CYP7B1: variants seen among roughly 807,000 people sequenced by gnomAD.
CYP7B1 encodes cytochrome P450 7B1.
CYP7B1 carries 29 observed loss-of-function variants against 42.7 expected under a neutral mutation model. The ratio of observed to expected loss-of-function variants is 0.68; its 90% CI spans 0.51 to 0.93. The LOEUF (loss-of-function observed/expected upper bound fraction) is 0.93. Among genes scored for constraint, CYP7B1 ranks in the 40% least tolerant of loss-of-function variants. CYP7B1 has a pLI of 0.00. For synonymous variants in CYP7B1, 235 were observed against 218.2 expected (o/e 1.08, Z -0.68); for missense variants, 655 against 600.5 (o/e 1.09, Z -0.95).
At chr8:64,599,771 G>A (rs1323710109) in intron 5 of CYP7B1, among the ~76,000 whole-genome samples, 1 of 152,172 alleles carries the variant, frequency 6.6e-6, no homozygotes, top group African/African-American at 2.4e-5. Flanking sequence ...AATCTATGGG[G>A]ACATCTAGGA....
chr8:64,692,869 T>G (rs1279341638), intron 1 of CYP7B1, among the ~76,000 whole-genome samples: 1 of 152,226 alleles, frequency 6.6e-6, no homozygotes, highest in Non-Finnish European at 1.5e-5. Context: ...TCGAGCCACA[T>G]GTAACTCTTC....
chr8:64,791,086 C>A (rs1804609813), intron 1 of CYP7B1, among the ~76,000 whole-genome samples: 1 of 152,148 alleles, frequency 6.6e-6, no homozygotes, highest in Non-Finnish European at 1.5e-5. Flanking sequence ...GGAACAGAAT[C>A]TCTCTCTCAA....
intron 1 of CYP7B1, among the ~76,000 whole-genome samples, chr8:64,720,902 A>G (rs1447914616): frequency 6.6e-6 from 1 of 152,014 alleles, no homozygotes; most frequent in Admixed American, 6.6e-5. Context: ...TTTTGATTTA[A>G]TCTATTTGTA....
intron 1 of CYP7B1, among the ~76,000 whole-genome samples, chr8:64,670,853 C>G (rs1806355455): frequency 6.6e-6 from 1 of 152,144 alleles, no homozygotes; most frequent in Non-Finnish European, 1.5e-5. Context: ...AGGCTCTTCC[C>G]TGCTCTGAAT....
chr8:64,701,072 CT>C (rs1806909192), intron 1 of CYP7B1, among the ~76,000 whole-genome samples: 1 of 152,062 alleles, frequency 6.6e-6, no homozygotes, highest in Admixed American at 6.6e-5. Flanking sequence ...TGTTGTCCCC[CT>C]GAGGAACACG....
intron 1 of CYP7B1, among the ~76,000 whole-genome samples, chr8:64,677,009 T>C (rs1398611722): frequency 6.6e-6 from 1 of 152,084 alleles, no homozygotes; most frequent in East Asian, 1.9e-4. Context: ...GGGGCTTTTG[T>C]TCTAATGTAA....
chr8:64,649,019 C>T (rs1374813157), intron 1 of CYP7B1, among the ~76,000 whole-genome samples: 1 of 152,160 alleles, frequency 6.6e-6, no homozygotes, highest in Non-Finnish European at 1.5e-5. Context: ...TCATCTCAAC[C>T]ATTTTAAGTG....
At chr8:64,701,430 G>A (rs1482868217) in intron 1 of CYP7B1, among the ~76,000 whole-genome samples, 1 of 152,044 alleles carries the variant, frequency 6.6e-6, no homozygotes, top group East Asian at 1.9e-4. Flanking sequence ...ATGGTCACCA[G>A]GCAGCTTTTG....
At position 64,596,901 on chromosome 8, in the gene CYP7B1, T is replaced by A. The variant is rs1805127171; in HGVS notation, c.1262A>T (p.Asp421Val). ...EEFRYDRFIE[D>V]GKKKTTFFKR... is the part of the protein sequence containing the mutation. ...GAAAAAGGTGGTTTTCTTCTTACCA[T>A]CTTCTATAAAACGATCATATCTAAA... Residue 421 changes from aspartate (D) to valine (V), a missense_variant, in exon 6 of 6, where the codon GAT becomes GTT. Physicochemically the swap from Asp to Val is radical, Grantham distance 152 (BLOSUM62 -3). Transcript: ENST00000310193. The A allele has an allele frequency of 1.9e-6, 3 of 1,612,544 alleles. No homozygotes were observed. The highest frequency in any genetic ancestry group is 2.5e-6 in the Non-Finnish European group (3 of 1,178,870).
chr8:64,775,908 T>C (rs1804318117), intron 1 of CYP7B1, among the ~76,000 whole-genome samples: 1 of 152,128 alleles, frequency 6.6e-6, no homozygotes, highest in South Asian at 2.1e-4. Flanking sequence ...CATTCCCAAA[T>C]GATTATCTGG....
rs759502351 is a variant in CYP7B1 at position 64,593,398 on chromosome 8, T to C, written c.*3244A>G. Reference sequence around the variant, plus strand: ...AAAACTGTCAGTATATTTGCCTATCTCAGTCTTAGCTCCGGGTAAAAATAA... The same window carrying C: ...AAAACTGTCAGTATATTTGCCTATCCCAGTCTTAGCTCCGGGTAAAAATAA... On this transcript the variant is annotated 3_prime_UTR_variant, in exon 6 of 6. Transcript: ENST00000310193. 1.4e-4 allele frequency among the ~76,000 whole-genome samples: 22 copies of C among 152,044 alleles called. No individual in the cohort carries two copies. Among genetic ancestry groups the C allele is most frequent in the Non-Finnish European group, 2.5e-4 (17 of 68,010 alleles).
intron 1 of CYP7B1, among the ~76,000 whole-genome samples, chr8:64,666,733 A>G (rs1484059500): frequency 6.6e-6 from 1 of 152,244 alleles, no homozygotes; most frequent in African/African-American, 2.4e-5. Context: ...CCTCTTCAAC[A>G]GTATTGTCAC....
At chr8:64,739,152 A>T (rs1807533478) in intron 1 of CYP7B1, among the ~76,000 whole-genome samples, 1 of 152,182 alleles carries the variant, frequency 6.6e-6, no homozygotes, top group African/African-American at 2.4e-5. Context: ...CTCCTAGTGG[A>T]CTTTCTCTAG....
chr8:64,753,817 G>A (rs1035777519), intron 1 of CYP7B1, among the ~76,000 whole-genome samples: 2 of 152,226 alleles, frequency 1.3e-5, no homozygotes, highest in African/African-American at 2.4e-5. Flanking sequence ...CACTTTGGGT[G>A]ACAATCTTGA....
intron 1 of CYP7B1, among the ~76,000 whole-genome samples, chr8:64,726,188 C>A (rs1021640875): frequency 6.6e-6 from 1 of 152,012 alleles, no homozygotes; most frequent in Non-Finnish European, 1.5e-5. Flanking sequence ...AAAAAAAATG[C>A]CCTCAATTGT....
intron 1 of CYP7B1, among the ~76,000 whole-genome samples, chr8:64,691,169 T>C (rs1294421127): frequency 2.0e-5 from 3 of 152,178 alleles, no homozygotes; most frequent in Non-Finnish European, 2.9e-5. Flanking sequence ...TCAATAGACA[T>C]GGGCACTTAT....
At chr8:64,795,048 AT>A (rs1047049714) in intron 1 of CYP7B1, among the ~76,000 whole-genome samples, 2 of 152,160 alleles carry the variant, frequency 1.3e-5, no homozygotes, top group African/African-American at 4.8e-5. Flanking sequence ...AAAAGTGTCA[AT>A]TTTCCGAAAT....
chr8:64,782,975 G>C (rs1230241999), intron 1 of CYP7B1, among the ~76,000 whole-genome samples: 1 of 152,092 alleles, frequency 6.6e-6, no homozygotes, highest in African/African-American at 2.4e-5. Flanking sequence ...TAACCTCTGG[G>C]CTTTATAAGG....
intron 1 of CYP7B1, among the ~76,000 whole-genome samples, chr8:64,764,358 A>C (rs1807940020): frequency 6.6e-6 from 1 of 151,994 alleles, no homozygotes; most frequent in African/African-American, 2.4e-5. Flanking sequence ...ATAATAGATC[A>C]GGATAAAAGT....
Sources: allele counts gnomAD v4.1 joint callset (sites outside exome capture counted in the v4.1 genomes callset), GRCh38; gene constraint gnomAD v4.1.1; transcripts MANE v1.5; gene names NCBI Gene and HGNC (gene_info 2026-07-23, HGNC 2026-07-21).